The following APPBP2 variants were observed in gnomAD, a reference collection of about 807,000 sequenced individuals.
APPBP2 encodes amyloid beta precursor protein binding protein 2, also known as amyloid protein-binding protein 2.
Under a neutral mutation model 76.0 loss-of-function variants are expected in APPBP2, and 15 were observed. The observed-to-expected ratio is 0.20, with a 90% confidence interval of 0.13 to 0.30. APPBP2 has a LOEUF of 0.30. Among genes scored for constraint, APPBP2 ranks in the 10% least tolerant of loss-of-function variants. The probability of loss-of-function intolerance (pLI) is 1.00; values close to 1 mark genes in which losing one functional copy is unlikely to be tolerated. For missense variants in APPBP2, 401 were observed against 687.2 expected, an observed-to-expected ratio of 0.58 and a Z score of 4.66; for synonymous variants, 222 against 242.2, an observed-to-expected ratio of 0.92 and a Z score of 0.77.
intron 3 of APPBP2, among the ~76,000 whole-genome samples, chr17:60,492,290 G>C (rs1051069729): frequency 6.6e-6 from 1 of 152,234 alleles, no homozygotes; most frequent in African/African-American, 2.4e-5. Context: ...TGCTAGGGCA[G>C]TGTGGAAGGG....
intron 4 of APPBP2, among the ~76,000 whole-genome samples, chr17:60,470,965 A>ATT (rs150898047): frequency 6.8e-6 from 1 of 146,658 alleles, no homozygotes; most frequent in Admixed American, 6.8e-5. Context: ...TAATTTTTGT[A>ATT]TTTTTTTTTT....
intron 1 of APPBP2, among the ~76,000 whole-genome samples, chr17:60,508,200 C>G (rs943318174): frequency 3.9e-5 from 6 of 152,016 alleles, no homozygotes; most frequent in African/African-American, 1.4e-4. Flanking sequence ...TCTTTCAGAA[C>G]AGAAAAATAA....
At chr17:60,492,565 T>C (rs768168597) in intron 3 of APPBP2, among the ~76,000 whole-genome samples, 1 of 152,206 alleles carries the variant, frequency 6.6e-6, no homozygotes, top group South Asian at 2.1e-4. Flanking sequence ...ATGTGAGACA[T>C]GGAGTCAGAA....
chr17:60,443,773 AACTC>A lies in APPBP2; in HGVS notation c.*3804_*3807del, dbSNP rs1029570297. 1 of 152,604 alleles carries A rather than the reference AACTC, an allele frequency of 6.6e-6. No individual in the cohort carries two copies. Among genetic ancestry groups the A allele is most frequent in the African/African-American group, 2.4e-5 (1 of 41,438 alleles). 9.5% of individuals were successfully genotyped at this position (152,604 alleles called of 1,614,324 possible). On this transcript the variant is annotated 3_prime_UTR_variant, in exon 13 of 13. Transcript: ENST00000083182. The stretch of plus-strand genomic sequence containing the variant: ...CTTGAAAAACATGTGCACTTCAACA[AACTC>A]ACTAAGGCCACTCATGCTATAGATA...
intron 4 of APPBP2, 66 bp from the exon 5 acceptor site, chr17:60,466,525 T>A: frequency 6.9e-7 from 1 of 1,451,636 alleles, no homozygotes; most frequent in Non-Finnish European, 9.4e-7. Context: ...GATGACCTCT[T>A]ACCAATCACC....
At chr17:60,491,792 T>G (rs953529352) in intron 3 of APPBP2, among the ~76,000 whole-genome samples, 2 of 152,118 alleles carry the variant, frequency 1.3e-5, no homozygotes, top group Admixed American at 1.3e-4. Flanking sequence ...TTTGGAAAAT[T>G]TGCAGCCTCA....
chr17:60,494,315 A>G, intron 3 of APPBP2, 151 bp downstream of exon 3: 1 of 707,952 alleles, frequency 1.4e-6, no homozygotes, highest in Non-Finnish European at 2.3e-6. Flanking sequence ...AATGTATAGT[A>G]TAATGCTTTG....
At chr17:60,484,127 G>A (rs535240905) in intron 3 of APPBP2, among the ~76,000 whole-genome samples, 1 of 152,274 alleles carries the variant, frequency 6.6e-6, no homozygotes, top group East Asian at 1.9e-4. Context: ...TTTGGTTACT[G>A]CAGCCTTGTA....
At chr17:60,493,945 A>G (rs552191689) in intron 3 of APPBP2, among the ~76,000 whole-genome samples, 4 of 152,322 alleles carry the variant, frequency 2.6e-5, no homozygotes, top group African/African-American at 9.6e-5. Flanking sequence ...GCTCTATCAC[A>G]TATTTTTAAG....
At chr17:60,497,586 T>C (rs535053401) in intron 2 of APPBP2, among the ~76,000 whole-genome samples, 1 of 152,302 alleles carries the variant, frequency 6.6e-6, no homozygotes, top group South Asian at 2.1e-4. Flanking sequence ...CATGCTTGTA[T>C]CAAAGTATCT....
chr17:60,474,063 T>C (rs1363916609), intron 4 of APPBP2, among the ~76,000 whole-genome samples: 3 of 152,222 alleles, frequency 2.0e-5, no homozygotes, highest in Non-Finnish European at 4.4e-5. Context: ...AATTACTCCA[T>C]CACTTTTCAA....
intron 2 of APPBP2, among the ~76,000 whole-genome samples, chr17:60,500,012 CTTTT>C (rs563111313): frequency 2.2e-5 from 3 of 137,970 alleles, no homozygotes; most frequent in Admixed American, 7.3e-5. Flanking sequence ...TGTGAATATA[CTTTT>C]TTTTTTTTTT....
rs2090341719 is a variant in APPBP2, at chr17:60,445,847, T to G, written c.*1734A>C. ...TTACCATCTTAGGGTGTGGGTTTGCTTCATCTCTTTCAGTACATCCCCCAA... is the reference window on the plus strand; with the variant it reads ...TTACCATCTTAGGGTGTGGGTTTGCGTCATCTCTTTCAGTACATCCCCCAA... On this transcript the variant is annotated 3_prime_UTR_variant, in exon 13 of 13. Coordinates refer to ENST00000083182, the MANE Select transcript of APPBP2 (RefSeq NM_006380.5). The G allele has an allele frequency of 6.6e-6, 1 of 152,218 alleles. No homozygotes were observed. The highest frequency in any genetic ancestry group is 6.6e-5 in the Admixed American group (1 of 15,266). The allele number at this position is 152,218 out of a possible 1,614,324, so 9.4% of individuals were successfully genotyped here.
At chr17:60,501,801 T>C (rs914424727) in intron 1 of APPBP2, among the ~76,000 whole-genome samples, 1 of 152,112 alleles carries the variant, frequency 6.6e-6, no homozygotes, top group Non-Finnish European at 1.5e-5. Flanking sequence ...ACTTGGTGCA[T>C]GGAAAACATA....
intron 11 of APPBP2, among the ~76,000 whole-genome samples, chr17:60,452,651 T>C (rs1019548577): frequency 3.3e-5 from 5 of 152,334 alleles, no homozygotes; most frequent in Non-Finnish European, 5.9e-5. Flanking sequence ...CTGGGCACAG[T>C]GGCTCATGCC....
chr17:60,447,765 T>C lies in APPBP2; in HGVS notation c.1574A>G (p.Asn525Ser). 6.2e-7 allele frequency: 1 copy of C among 1,613,764 alleles called. No homozygotes were observed. The highest frequency in any genetic ancestry group is 8.5e-7 in the Non-Finnish European group (1 of 1,179,958). ...YDYRGLIKLYNSIGNYEKVFE... is the reference protein window; with the variant it reads ...YDYRGLIKLYSSIGNYEKVFE... ...CACTTTCTCGTAATTTCCAATGGAG[T>C]TGTAAAGTTTAATGAGACCTCGATA... Residue 525 changes from asparagine (N) to serine (S), a missense_variant, in exon 13 of 13, where the codon AAC becomes AGC. Coordinates refer to ENST00000083182, the MANE Select transcript of APPBP2 (RefSeq NM_006380.5).
At chr17:60,469,234 A>G (rs9893930) in intron 4 of APPBP2, among the ~76,000 whole-genome samples, 26,359 of 151,162 alleles carry the variant, frequency 0.17, 7,713 homozygotes, top group African/African-American at 0.61. Flanking sequence ...GCTGAGGCAG[A>G]AGAATCGCTT....
At chr17:60,463,252 G>A (rs1461030406) in intron 6 of APPBP2, among the ~76,000 whole-genome samples, 2 of 152,180 alleles carry the variant, frequency 1.3e-5, no homozygotes, top group Non-Finnish European at 2.9e-5. Context: ...GTAGAAGAGT[G>A]TATCTGAAAA....
chr17:60,520,371 A>G (rs1479686523), intron 1 of APPBP2, among the ~76,000 whole-genome samples: 1 of 152,096 alleles, frequency 6.6e-6, no homozygotes, highest in African/African-American at 2.4e-5. Context: ...TAAGGAGTTC[A>G]AGACCAGCCT....
Sources: gnomAD v4.1 joint callset for allele counts (sites outside exome capture counted in the v4.1 genomes callset) on GRCh38, gnomAD v4.1.1 for gene constraint, MANE v1.5 for transcripts, NCBI Gene and HGNC (gene_info 2026-07-23, HGNC 2026-07-21) for gene names.